Variants in ZNF777 observed in about 807,000 individuals in gnomAD.
The protein encoded by ZNF777 is zinc finger protein 777.
In ZNF777, 7 loss-of-function variants were observed where a neutral mutation model predicts 72.1. The observed-to-expected ratio is 0.10, with a 90% CI of 0.06 to 0.18. The LOEUF (loss-of-function observed/expected upper bound fraction) is 0.18. Among genes scored for constraint, ZNF777 ranks in the 10% least tolerant of loss-of-function variants. The probability of loss-of-function intolerance (pLI) is 1.00; values close to 1 mark genes in which losing one functional copy is unlikely to be tolerated. For missense variants in ZNF777, 828 were observed against 1,128.6 expected (o/e 0.73, Z 3.82); for synonymous variants, 545 against 483.5 (o/e 1.13, Z -1.67).
At chr7:149,443,683 A>G (rs761244275) in intron 4 of ZNF777, among the ~76,000 whole-genome samples, 1 of 152,164 alleles carries the variant, frequency 6.6e-6, no homozygotes, top group Non-Finnish European at 1.5e-5. Flanking sequence ...CTTGGATTCA[A>G]GTGATTCTCC....
intron 4 of ZNF777, among the ~76,000 whole-genome samples, chr7:149,437,304 A>G (rs552478595): frequency 4.6e-5 from 7 of 152,202 alleles, no homozygotes; most frequent in African/African-American, 1.7e-4. Flanking sequence ...AGAGATGCTC[A>G]TTCCCTTTCT....
Position 149,431,762 on chromosome 7 carries a change from G to C in ZNF777, c.*14C>G, listed in dbSNP as rs1401045498. On this transcript the variant is annotated 3_prime_UTR_variant, in exon 6 of 6. Transcript: ENST00000247930. ...CCCGCGCACCTGGCCGGGCGGCGGCGGCGGGGCGCGCGCTCACTCGCCCGT... is the reference window on the plus strand; with the variant it reads ...CCCGCGCACCTGGCCGGGCGGCGGCCGCGGGGCGCGCGCTCACTCGCCCGT... 2.0e-6 allele frequency: 3 copies of C among 1,486,014 alleles called. No individual in the cohort carries two copies. The Middle Eastern group carries it at 5.8e-4, about 290-fold the overall frequency. The allele number at this position is 1,486,014 out of a possible 1,614,324, so 92.1% of individuals were successfully genotyped here. A position where few individuals can be genotyped will look rare whatever the true frequency, so the allele number is the denominator to read the frequency against.
rs1210417803 is a variant in ZNF777, at chr7:149,432,394, A to G, written c.1878T>C (p.Ser626=). ...ALKPRPKSPS[S]GSGGGGPKPY... The stretch of plus-strand genomic sequence containing the variant: ...GCTTAGGGCCACCGCCGCCGCTACC[A>G]GAGCTGGGTGACTTGGGACGCGGCT... Residue 626 remains serine (S), a synonymous_variant, in exon 6 of 6, where the codon TCT becomes TCC. Transcript: ENST00000247930. The G allele has an allele frequency of 6.2e-7, 1 of 1,613,488 alleles. No individual in the cohort carries two copies. Among genetic ancestry groups the G allele is most frequent in the South Asian group, 1.1e-5 (1 of 91,090 alleles).
rs770150599 is a variant in ZNF777 at position 149,455,461 on chromosome 7, C to T, written c.562G>A (p.Val188Met). ...LPTAEITRLA[V>M]WAAVQAVERK... is the part of the protein sequence containing the mutation. The stretch of plus-strand genomic sequence containing the variant: ...TCCACTGCTTGGACGGCAGCCCACA[C>T]AGCCAAGCGGGTGATCTCTGCCGTG... Residue 188 changes from valine (V) to methionine (M), a missense_variant, in exon 2 of 6, where the codon GTG becomes ATG. This residue lies in a region of ZNF777 where 76 missense variants were observed against 157.3 expected (regional missense o/e 0.48). Coordinates refer to ENST00000247930, the MANE Select transcript of ZNF777 (RefSeq NM_015694.3). This position sits in a 1 kb window ranked among gnomAD's most constrained non-coding sequence, Gnocchi z 4.2. The T allele has an allele frequency of 3.1e-6, 5 of 1,614,196 alleles. No individual in the cohort carries two copies. Among genetic ancestry groups the T allele is most frequent in the Non-Finnish European group, 4.2e-6 (5 of 1,180,036 alleles).
intron 4 of ZNF777, among the ~76,000 whole-genome samples, chr7:149,437,805 C>CTTTTTTT (rs898319193): frequency 3.7e-5 from 4 of 108,176 alleles, no homozygotes; most frequent in Non-Finnish European, 7.1e-5. Context: ...GTTTCTTTTT[C>CTTTTTTT]TTTTTTTTTT....
intron 4 of ZNF777, among the ~76,000 whole-genome samples, chr7:149,448,535 TTA>T (rs1491332886): frequency 1.6e-5 from 2 of 123,206 alleles, no homozygotes; most frequent in African/African-American, 7.2e-5. Flanking sequence ...ATACATATAG[TTA>T]TATATATAGT....
intron 1 of ZNF777, among the ~76,000 whole-genome samples, chr7:149,459,117 A>G (rs1471958121): frequency 6.6e-6 from 1 of 152,082 alleles, no homozygotes; most frequent in Non-Finnish European, 1.5e-5. Context: ...TCTTCGTTTG[A>G]TTTTATTTTC....
intron 4 of ZNF777, among the ~76,000 whole-genome samples, chr7:149,446,739 C>A (rs2140862): frequency 2.6e-5 from 4 of 151,916 alleles, no homozygotes; most frequent in Admixed American, 2.0e-4. Context: ...TCCACTCCCC[C>A]ACAGCTACAC....
rs531817474 is a variant in ZNF777, at chr7:149,431,592, C to T, written c.*184G>A. The T allele has an allele frequency of 2.4e-5, 15 of 633,486 alleles. No homozygotes were observed. In the African/African-American group the frequency reaches 2.7e-4, roughly 11 times the overall value. The allele number at this position is 633,486 out of a possible 1,614,324, so 39.2% of individuals were successfully genotyped here. ...CCCCCCTGGGGCCCCCGGGGAAACG[C>T]GGCAGCAAGGGACCTGGTCTCACTG... On this transcript the variant is annotated 3_prime_UTR_variant, in exon 6 of 6. Transcript: ENST00000247930.
chr7:149,443,651 G>C (rs1799561419), intron 4 of ZNF777, among the ~76,000 whole-genome samples: 1 of 151,952 alleles, frequency 6.6e-6, no homozygotes, highest in Admixed American at 6.6e-5. Flanking sequence ...TTTTTTTTGA[G>C]ACGGGGCTGC....
chr7:149,455,775 C>G lies in ZNF777; in HGVS notation c.248G>C (p.Cys83Ser). 1 of 1,607,882 alleles carries G rather than the reference C, an allele frequency of 6.2e-7. No individual in the cohort carries two copies. Among genetic ancestry groups the G allele is most frequent in the African/African-American group, 1.3e-5 (1 of 74,792 alleles). Residue 83 changes from cysteine to serine, a missense_variant, in exon 2 of 6, where the codon TGT becomes TCT. Cys to Ser is a moderately radical substitution (Grantham distance 112). Coordinates refer to ENST00000247930, the MANE Select transcript of ZNF777 (RefSeq NM_015694.3). The surrounding 1 kb of genome is among the most constrained non-coding windows in gnomAD (Gnocchi z 4.2). ...AGTCTCTTGCTCAGAAGCGGCAGAA[C>G]ACAGGAGTGAGGGTCCCTTCTGGAG... is the stretch of plus-strand genomic sequence containing the variant. Reference protein sequence around the residue: ...HVLQKGPSLLCSAASEQETSL... With the variant: ...HVLQKGPSLLSSAASEQETSL...
At chr7:149,448,829 CT>C (rs200293508) in intron 4 of ZNF777, among the ~76,000 whole-genome samples, 2,332 of 152,000 alleles carry the variant, frequency 0.015, 33 homozygotes, top group Non-Finnish European at 0.025. Flanking sequence ...ATGGGAGCCC[CT>C]GTTCTGAGTA....
rs1389875830 is a variant in ZNF777 at position 149,436,556 on chromosome 7, G to A, written c.1339+19C>T. ...GCCTCATGGCAACCCTTCCCCGGCC[G>A]TCCCCGCCCAGCACTCACCCGTGCA... On this transcript the variant is annotated intron_variant, in intron 5 of 5. Coordinates refer to ENST00000247930, the MANE Select transcript of ZNF777 (RefSeq NM_015694.3). This position sits in a 1 kb window ranked among gnomAD's most constrained non-coding sequence, Gnocchi z 5.0. 10 of 1,574,044 alleles carry A rather than the reference G, an allele frequency of 6.4e-6. No individual in the cohort carries two copies. The highest frequency in any genetic ancestry group is 2.3e-5 in the East Asian group (1 of 44,040).
intron 1 of ZNF777, among the ~76,000 whole-genome samples, chr7:149,456,510 A>C (rs546232848): frequency 6.6e-6 from 1 of 152,292 alleles, no homozygotes; most frequent in African/African-American, 2.4e-5. Context: ...TGAACATAAA[A>C]CTTTGAGAAA....
rs568482487 is a variant in ZNF777 at position 149,437,354 on chromosome 7, C to T, written c.1088-528G>A. 6.4e-4 allele frequency among the ~76,000 whole-genome samples: 98 copies of T among 152,316 alleles called. 1 individual carries two copies. The highest frequency in any genetic ancestry group is 2.3e-3 in the African/African-American group (96 of 41,564). ...AACCGGTACAGTTAACACAGTTTCT[C>T]TCTCATCTGCTCACTCACAATCAGG... On this transcript the variant is annotated intron_variant, in intron 4 of 5. Transcript: ENST00000247930.
Position 149,451,054 on chromosome 7 carries a change from G to A in ZNF777, c.1032C>T (p.Thr344=). 6.2e-7 allele frequency: 1 copy of A among 1,613,990 alleles called. No homozygotes were observed. Among genetic ancestry groups the A allele is most frequent in the Admixed American group, 1.7e-5 (1 of 60,022 alleles). Residue 344 remains threonine, a synonymous_variant, in exon 4 of 6, where the codon ACC becomes ACT. Coordinates refer to ENST00000247930, the MANE Select transcript of ZNF777 (RefSeq NM_015694.3). ...MSQMERGERP[T]MQEQEDSEEG... is the part of the protein sequence containing the mutation. ...CCTCAGAGTCTTCCTGCTCCTGCAT[G>A]GTGGGCCGCTCCCCGCGCTCCATCT...
At chr7:149,442,915 T>C (rs1456146503) in intron 4 of ZNF777, among the ~76,000 whole-genome samples, 2 of 152,322 alleles carry the variant, frequency 1.3e-5, no homozygotes, top group African/African-American at 4.8e-5. Flanking sequence ...ATAATACCTA[T>C]TACTGGTAAG....
intron 1 of ZNF777, among the ~76,000 whole-genome samples, chr7:149,457,908 C>T (rs998425910): frequency 1.3e-5 from 2 of 152,212 alleles, no homozygotes; most frequent in African/African-American, 4.8e-5. Flanking sequence ...AAGCAACTTG[C>T]CCCAGGTCAC....
At chr7:149,434,197 C>G (rs1242936821) in intron 5 of ZNF777, among the ~76,000 whole-genome samples, 3 of 152,164 alleles carry the variant, frequency 2.0e-5, no homozygotes, top group Non-Finnish European at 4.4e-5. Flanking sequence ...TTGGGACCCA[C>G]CTGGTCTACC....
Sources: gnomAD v4.1 joint callset for allele counts (sites outside exome capture counted in the v4.1 genomes callset) on GRCh38, gnomAD v4.1.1 for gene constraint, gnomAD v4.1.1 regional missense constraint, Gnocchi (gnomAD v3.1) non-coding constraint, MANE v1.5 for transcripts, NCBI Gene and HGNC (gene_info 2026-07-23, HGNC 2026-07-21) for gene names.